The following SORCS3 variants were observed in gnomAD, a reference collection of about 807,000 sequenced individuals.
The protein encoded by SORCS3 is sortilin related VPS10 domain containing receptor 3, also known as VPS10 domain-containing receptor SorCS3.
Under a neutral mutation model 146.3 loss-of-function variants are expected in SORCS3, and 57 were observed. That is an observed-to-expected ratio of 0.39 (90% CI 0.31 to 0.49). The LOEUF (loss-of-function observed/expected upper bound fraction) is 0.49. Ranked by LOEUF, SORCS3 falls within the 20% of genes least tolerant of loss-of-function variation. The pLI, the probability that SORCS3 is intolerant of heterozygous loss-of-function variation, is 0.92. For missense variants in SORCS3, 1,341 were observed against 1,575.5 expected, an observed-to-expected ratio of 0.85 and a Z score of 2.52; for synonymous variants, 653 against 618.5, an observed-to-expected ratio of 1.06 and a Z score of -0.83.
chr10:105,216,723 C>T (rs1418429484), intron 18 of SORCS3, among the ~76,000 whole-genome samples: 1 of 152,088 alleles, frequency 6.6e-6, no homozygotes, highest in East Asian at 1.9e-4. Flanking sequence ...TCAGCTTGCC[C>T]CGAGCTTGGG....
intron 19 of SORCS3, 116 bp downstream of exon 19, chr10:105,217,238 C>A: frequency 2.2e-6 from 2 of 918,146 alleles, no homozygotes; most frequent in Non-Finnish European, 3.4e-6. Context: ...TACAATTACC[C>A]AAACCAAATG....
At chr10:105,165,871 G>T (rs7100845) in intron 12 of SORCS3, among the ~76,000 whole-genome samples, 4,510 of 152,210 alleles carry the variant, frequency 0.03, 73 homozygotes, top group South Asian at 0.061. Context: ...GGGCAAAAAT[G>T]AGCAGTGGCC....
At position 105,014,831 on chromosome 10, in the gene SORCS3, G is replaced by T. The variant is rs569649211; in HGVS notation, c.955-28224G>T. ...AAAGTTCTCCTCTTTTACCATCTGA[G>T]AACAGAGCTAGAAGGTGCCATCTAT... On this transcript the variant is annotated intron_variant, in intron 4 of 26. Transcript: ENST00000369701. Among the ~76,000 whole-genome samples, 5 of 152,280 alleles carry T rather than the reference G, an allele frequency of 3.3e-5. No individual in the cohort carries two copies. The South Asian group carries it at 1.0e-3, about 32-fold the overall frequency.
At chr10:105,225,158 A>G (rs545835050) in intron 20 of SORCS3, among the ~76,000 whole-genome samples, 2 of 152,064 alleles carry the variant, frequency 1.3e-5, no homozygotes, top group Non-Finnish European at 2.9e-5. Context: ...ACTTCTCCAT[A>G]CCCAACATCA....
intron 4 of SORCS3, among the ~76,000 whole-genome samples, chr10:105,006,516 G>T (rs183668498): frequency 2.6e-5 from 4 of 152,178 alleles, no homozygotes; most frequent in Admixed American, 6.5e-5. Context: ...AATATAAGTG[G>T]TATTATGTCA....
intron 3 of SORCS3, among the ~76,000 whole-genome samples, chr10:104,922,050 G>A (rs1001576775): frequency 6.6e-6 from 1 of 152,056 alleles, no homozygotes; most frequent in African/African-American, 2.4e-5. Flanking sequence ...TTGTCAAGCT[G>A]TTCGAGAGGC....
chr10:105,250,511 T>C (rs896923437), intron 22 of SORCS3, among the ~76,000 whole-genome samples: 26 of 152,180 alleles, frequency 1.7e-4, no homozygotes, highest in African/African-American at 5.8e-4. Context: ...CTGTATACAC[T>C]GCTCCAAGGT....
At chr10:104,721,295 A>G (rs1327495034) in intron 1 of SORCS3, among the ~76,000 whole-genome samples, 6 of 152,184 alleles carry the variant, frequency 3.9e-5, no homozygotes, top group Admixed American at 1.3e-4. Flanking sequence ...GTAGATATGC[A>G]GCATTATTTC....
intron 1 of SORCS3, among the ~76,000 whole-genome samples, chr10:104,837,451 G>A (rs1194124528): frequency 2.6e-5 from 4 of 152,154 alleles, no homozygotes; most frequent in African/African-American, 9.7e-5. Context: ...CTTGTAAGAA[G>A]AGAGAAGTGC....
chr10:105,084,738 T>C (rs2055647979), intron 5 of SORCS3, among the ~76,000 whole-genome samples: 1 of 151,712 alleles, frequency 6.6e-6, no homozygotes, highest in Non-Finnish European at 1.5e-5. Flanking sequence ...TTCTTCTTTT[T>C]TTTTTTTTTT....
chr10:104,876,760 T>TTC (rs1554856391), intron 2 of SORCS3, among the ~76,000 whole-genome samples: 4 of 119,482 alleles, frequency 3.3e-5, no homozygotes, highest in East Asian at 5.7e-4. Flanking sequence ...TCTTTCTTTC[T>TTC]CTTCCTTCCT....
chr10:104,784,364 C>T (rs918393129), intron 1 of SORCS3, among the ~76,000 whole-genome samples: 2 of 152,140 alleles, frequency 1.3e-5, no homozygotes, highest in Non-Finnish European at 2.9e-5. Flanking sequence ...TCACCTCCAA[C>T]CAAGAATTAT....
At chr10:104,835,971 T>C (rs2018061270) in intron 1 of SORCS3, among the ~76,000 whole-genome samples, 1 of 152,192 alleles carries the variant, frequency 6.6e-6, no homozygotes, top group African/African-American at 2.4e-5. Flanking sequence ...TCCGCAAACA[T>C]ACCTGAGTTG....
intron 7 of SORCS3, among the ~76,000 whole-genome samples, chr10:105,135,198 T>A (rs1221397907): frequency 6.6e-6 from 1 of 151,922 alleles, no homozygotes; most frequent in African/African-American, 2.4e-5. Context: ...GCACCCATGG[T>A]TTTGGGTAGG....
At chr10:104,990,423 G>A (rs143541325) in intron 4 of SORCS3, among the ~76,000 whole-genome samples, 2,033 of 152,180 alleles carry the variant, frequency 0.013, 44 homozygotes, top group African/African-American at 0.046. Flanking sequence ...CTTGGGGCCT[G>A]CTCCTGGGGA....
At chr10:105,106,216 A>C (rs1056698269) in intron 7 of SORCS3, among the ~76,000 whole-genome samples, 10 of 152,170 alleles carry the variant, frequency 6.6e-5, no homozygotes, top group African/African-American at 2.4e-4. Flanking sequence ...GATTTCCCAC[A>C]CTCTGCCTTT....
At chr10:104,792,862 T>A (rs2017510613) in intron 1 of SORCS3, among the ~76,000 whole-genome samples, 1 of 152,170 alleles carries the variant, frequency 6.6e-6, no homozygotes, top group African/African-American at 2.4e-5. Context: ...GGAAGACTCC[T>A]TGAGTCTCAC....
intron 22 of SORCS3, among the ~76,000 whole-genome samples, chr10:105,251,320 A>G (rs2056896699): frequency 6.6e-6 from 1 of 152,126 alleles, no homozygotes; most frequent in African/African-American, 2.4e-5. Flanking sequence ...GGATGGGGGA[A>G]ACCACCCCCA....
At chr10:104,896,621 C>T (rs2018801563) in intron 2 of SORCS3, among the ~76,000 whole-genome samples, 1 of 152,124 alleles carries the variant, frequency 6.6e-6, no homozygotes, top group African/African-American at 2.4e-5. Context: ...CAGTGGTGGC[C>T]CACAGGCCAA....
Sources: gnomAD v4.1 joint callset for allele counts (sites outside exome capture counted in the v4.1 genomes callset) on GRCh38, gnomAD v4.1.1 for gene constraint, MANE v1.5 for transcripts, NCBI Gene and HGNC (gene_info 2026-07-23, HGNC 2026-07-21) for gene names.